The following DSCAM variants were observed in gnomAD, a reference collection of about 807,000 sequenced individuals.
The protein encoded by DSCAM is cell adhesion molecule DSCAM.
DSCAM carries 47 observed loss-of-function variants against 217.7 expected under a neutral mutation model. That is an observed-to-expected ratio of 0.22 (90% CI 0.17 to 0.28). The LOEUF (loss-of-function observed/expected upper bound fraction) is 0.28, where lower values mean the gene tolerates loss of function less well. Ranked by LOEUF, DSCAM falls within the 10% of genes least tolerant of loss-of-function variation. The pLI is 1.00. For missense variants in DSCAM, 2,080 were observed against 2,618.3 expected (o/e 0.79, Z 4.49); for synonymous variants, 1,056 against 1,015.3 (o/e 1.04, Z -0.76).
At chr21:40,320,169 A>C (rs1276129249) in intron 8 of DSCAM, among the ~76,000 whole-genome samples, 1 of 152,222 alleles carries the variant, frequency 6.6e-6, no homozygotes, top group Non-Finnish European at 1.5e-5. Flanking sequence ...AAACTTGTAC[A>C]TCCTGCACAT....
At chr21:40,730,982 G>T (rs2091005532) in intron 1 of DSCAM, among the ~76,000 whole-genome samples, 1 of 152,096 alleles carries the variant, frequency 6.6e-6, no homozygotes, top group South Asian at 2.1e-4. Context: ...TGCATATTTG[G>T]ACCAACTCTA....
intron 3 of DSCAM, among the ~76,000 whole-genome samples, chr21:40,536,598 G>C (rs1271772054): frequency 6.6e-6 from 1 of 152,036 alleles, no homozygotes; most frequent in African/African-American, 2.4e-5. Context: ...AGTAGAGACA[G>C]GGTTTCACCA....
chr21:40,399,760 T>C (rs1392706070), intron 3 of DSCAM, among the ~76,000 whole-genome samples: 1 of 152,180 alleles, frequency 6.6e-6, no homozygotes, highest in African/African-American at 2.4e-5. Context: ...ATAAACTTAG[T>C]AGTGACAAGT....
chr21:40,138,904 GTGTGTGGTGTGTA>G (rs1010140222), intron 18 of DSCAM, among the ~76,000 whole-genome samples: 5 of 145,844 alleles, frequency 3.4e-5, no homozygotes, highest in Admixed American at 1.4e-4. Flanking sequence ...TAAGTGTGGT[GTGTGTGGTGTGTA>G]TGTGTGGTGT....
At chr21:40,150,845 G>C (rs1425787555) in intron 16 of DSCAM, among the ~76,000 whole-genome samples, 1 of 152,178 alleles carries the variant, frequency 6.6e-6, no homozygotes, top group African/African-American at 2.4e-5. Flanking sequence ...ACTGTATTAA[G>C]GTTGTTAATT....
chr21:40,044,277 T>C lies in DSCAM; in HGVS notation c.5186-2A>G. The stretch of plus-strand genomic sequence containing the variant: ...TGGCATTCCTCCTGGTGGTGGGATC[T>C]GTGAAGAGCCAAGAATCATGTCTGC... On this transcript the variant is annotated splice_acceptor_variant, in intron 30 of 32. Transcript: ENST00000400454. LOFTEE classifies it high-confidence loss of function. 6.2e-7 allele frequency: 1 copy of C among 1,612,864 alleles called. No individual in the cohort carries two copies. The highest frequency in any genetic ancestry group is 8.5e-7 in the Non-Finnish European group (1 of 1,179,254).
intron 3 of DSCAM, among the ~76,000 whole-genome samples, chr21:40,437,392 A>T (rs1254733823): frequency 6.6e-6 from 1 of 152,222 alleles, no homozygotes; most frequent in African/African-American, 2.4e-5. Context: ...AACAATAGCC[A>T]AGCTTCACCA....
At chr21:40,836,314 G>C (rs1459719620) in intron 1 of DSCAM, among the ~76,000 whole-genome samples, 1 of 152,166 alleles carries the variant, frequency 6.6e-6, no homozygotes, top group Non-Finnish European at 1.5e-5. Flanking sequence ...CAAAGCACAA[G>C]CATTTATAAA....
In DSCAM at chr21:40,400,920, A is replaced by G. The variant is rs2075227977; in HGVS notation, c.509-31675T>C. On this transcript the variant is annotated intron_variant, in intron 3 of 32. Coordinates refer to ENST00000400454, the MANE Select transcript of DSCAM (RefSeq NM_001389.5). The stretch of plus-strand genomic sequence containing the variant: ...TTTCAATATATAACACTAAAAAATC[A>G]TATTTGTTAATATAATCACTGATCT... 4.6e-5 allele frequency among the ~76,000 whole-genome samples: 7 copies of G among 152,248 alleles called. No homozygotes were observed. In the South Asian group the frequency reaches 1.4e-3, roughly 32 times the overall value.
At chr21:40,501,842 C>T (rs1396023192) in intron 3 of DSCAM, among the ~76,000 whole-genome samples, 1 of 152,218 alleles carries the variant, frequency 6.6e-6, no homozygotes, top group Non-Finnish European at 1.5e-5. Flanking sequence ...TCCACCCCCA[C>T]CTTGGCCTCC....
intron 20 of DSCAM, among the ~76,000 whole-genome samples, chr21:40,103,039 G>A (rs1382589402): frequency 1.3e-5 from 2 of 152,184 alleles, no homozygotes; most frequent in Non-Finnish European, 2.9e-5. Flanking sequence ...ATACACTGAA[G>A]AAATTCTTGT....
chr21:40,313,288 T>A (rs765195853), intron 8 of DSCAM, among the ~76,000 whole-genome samples: 5 of 152,244 alleles, frequency 3.3e-5, no homozygotes, highest in Non-Finnish European at 5.9e-5. Flanking sequence ...TAACTTTTAA[T>A]TGTGAACTGG....
intron 3 of DSCAM, among the ~76,000 whole-genome samples, chr21:40,636,051 G>A (rs539245007): frequency 8.5e-4 from 130 of 152,170 alleles, no homozygotes; most frequent in Non-Finnish European, 1.6e-3. Flanking sequence ...TTTTAAAAAC[G>A]TGATAAGAAG....
intron 16 of DSCAM, 76 bp downstream of exon 16, chr21:40,167,142 G>T: frequency 7.4e-7 from 1 of 1,348,632 alleles, no homozygotes; most frequent in Non-Finnish European, 1.0e-6. Flanking sequence ...GAGTCTTGGT[G>T]TCATAACACT....
At chr21:40,143,060 A>T (rs1023636889) in intron 17 of DSCAM, among the ~76,000 whole-genome samples, 5 of 152,174 alleles carry the variant, frequency 3.3e-5, no homozygotes, top group Non-Finnish European at 7.3e-5. Flanking sequence ...TTACTCTTGG[A>T]AGTTACTTCT....
At chr21:40,676,234 T>G (rs2090335783) in intron 3 of DSCAM, among the ~76,000 whole-genome samples, 1 of 152,176 alleles carries the variant, frequency 6.6e-6, no homozygotes, top group Admixed American at 6.5e-5. Flanking sequence ...ATTCATCTTA[T>G]GTCAACAAGT....
chr21:40,690,805 G>T (rs572793607), intron 3 of DSCAM, among the ~76,000 whole-genome samples: 1 of 152,174 alleles, frequency 6.6e-6, no homozygotes, highest in Admixed American at 6.5e-5. Flanking sequence ...AAGAACACAC[G>T]TATTATGCAT....
At chr21:40,565,338 C>T (rs991893863) in intron 3 of DSCAM, among the ~76,000 whole-genome samples, 6 of 151,882 alleles carry the variant, frequency 4.0e-5, no homozygotes, top group African/African-American at 7.2e-5. Flanking sequence ...TCTGTGACTA[C>T]GTAATAAACT....
intron 8 of DSCAM, among the ~76,000 whole-genome samples, chr21:40,318,209 T>C (rs2123510708): frequency 7.1e-6 from 1 of 140,432 alleles, no homozygotes; most frequent in Admixed American, 7.0e-5. Flanking sequence ...GGGGGACGGA[T>C]AGCATTAGGA....
Sources: allele counts gnomAD v4.1 joint callset (sites outside exome capture counted in the v4.1 genomes callset), GRCh38; gene constraint gnomAD v4.1.1; transcripts MANE v1.5; gene names NCBI Gene and HGNC (gene_info 2026-07-23, HGNC 2026-07-21).